The following DBH variants were observed in gnomAD, a reference collection of about 807,000 sequenced individuals.
DBH encodes the protein dopamine beta-hydroxylase.
Under a neutral mutation model 64.0 loss-of-function variants are expected in DBH, and 49 were observed. That is an observed-to-expected ratio of 0.77 (90% CI 0.61 to 0.97). DBH has a LOEUF of 0.97. Ranked by LOEUF, DBH falls within the 50% of genes least tolerant of loss-of-function variation. DBH has a pLI of 0.00. For missense variants in DBH, 828 were observed against 826.6 expected, an observed-to-expected ratio of 1.00 and a Z score of -0.02; for synonymous variants, 343 against 347.1, an observed-to-expected ratio of 0.99 and a Z score of 0.13.
Position 133,636,503 on chromosome 9 carries a change from G to C in DBH, c.132G>C (p.Glu44Asp). 6.2e-7 allele frequency: 1 copy of C among 1,613,384 alleles called. No individual in the cohort carries two copies. The highest frequency in any genetic ancestry group is 8.5e-7 in the Non-Finnish European group (1 of 1,180,018). Residue 44 changes from glutamate (E) to aspartate (D), a missense_variant, in exon 1 of 12, where the codon GAG becomes GAC. Transcript: ENST00000393056. ...VAALQGSAPR[E>D]SPLPYHIPLD... Reference sequence around the variant, plus strand: ...CACTGCAGGGCTCGGCTCCCCGTGAGAGCCCCCTCCCCTATCACATCCCCC... The same window carrying C: ...CACTGCAGGGCTCGGCTCCCCGTGACAGCCCCCTCCCCTATCACATCCCCC...
Position 133,636,641 on chromosome 9 carries a change from C to T in DBH, c.270C>T (p.Ser90=), listed in dbSNP as rs371339885. ...RLKAGVLFGM[S]DRGELENADL... ...AGGCTGGCGTCCTGTTTGGGATGTC[C>T]GACCGTGGCGAGCTTGAGAACGCAG... Residue 90 remains serine, a synonymous_variant, in exon 1 of 12, where the codon TCC becomes TCT. Transcript: ENST00000393056. 3.4e-5 allele frequency: 55 copies of T among 1,612,506 alleles called. No individual in the cohort carries two copies. The highest frequency in any genetic ancestry group is 1.1e-4 in the African/African-American group (8 of 74,920).
Position 133,636,594 on chromosome 9 carries a change from C to T in DBH, c.223C>T (p.Gln75Ter). 2 of 1,613,812 alleles carry T rather than the reference C, an allele frequency of 1.2e-6. No homozygotes were observed. The highest frequency in any genetic ancestry group is 1.6e-4 in the Middle Eastern group (1 of 6,062). ...VSYTQEAIHF[Q>*]LLVRRLKAGV... is the part of the protein sequence containing the mutation. ...CTACACCCAGGAGGCCATCCATTTC[C>T]AGCTCCTGGTGCGGAGGCTCAAGGC... The change falls in exon 1 of 12, where the codon CAG (glutamine) becomes TAG (stop). Residue 75 changes from glutamine (Q) to a stop codon, truncating the protein, a stop_gained. Coordinates refer to ENST00000393056, the MANE Select transcript of DBH (RefSeq NM_000787.4). LOFTEE classifies it high-confidence loss of function.
chr9:133,642,418 A>G lies in DBH; in HGVS notation c.698A>G (p.Tyr233Cys). Residue 233 changes from tyrosine (Y) to cysteine (C), a missense_variant, in exon 3 of 12, where the codon TAC (tyrosine) becomes TGC (cysteine). Coordinates refer to ENST00000393056, the MANE Select transcript of DBH (RefSeq NM_000787.4). ...AGCCAGGAGACCACGTACTGGTGCT[A>G]CATTAAGGAGCTTCCAAAGGGCTTC... ...IPSQETTYWCYIKELPKGFSR... is the reference protein window; with the variant it reads ...IPSQETTYWCCIKELPKGFSR... The G allele has an allele frequency of 6.2e-7, 1 of 1,613,666 alleles. No homozygotes were observed. The highest frequency in any genetic ancestry group is 8.5e-7 in the Non-Finnish European group (1 of 1,179,790).
At chr9:133,658,272 T>TTGCCCCTCCAGCCTCAGTTTACCTCC in intron 11 of DBH, 44 bp from the exon 12 acceptor site, 1 of 1,611,766 alleles carries the variant, frequency 6.2e-7, no homozygotes, top group African/African-American at 1.3e-5. Context: ...GCCACCCATC[T>TTGCCCCTCCAGCCTCAGTTTACCTCC]TGCCCCTCCA....
intron 6 of DBH, among the ~76,000 whole-genome samples, 153 bp downstream of exon 6, chr9:133,648,165 A>G (rs1050381741): frequency 1.3e-5 from 2 of 152,214 alleles, no homozygotes; most frequent in Non-Finnish European, 2.9e-5. Context: ...TCTGTATGCA[A>G]GGGAACCCTG....
intron 5 of DBH, 130 bp downstream of exon 5, chr9:133,644,450 T>A: frequency 1.3e-6 from 1 of 783,802 alleles, no homozygotes; most frequent in Non-Finnish European, 2.2e-6. Context: ...CACGAGGCCC[T>A]TGCGTCTGCC....
In DBH at chr9:133,636,507, C is replaced by T. The variant is rs1028535785; in HGVS notation, c.136C>T (p.Pro46Ser). 1 of 1,613,284 alleles carries T rather than the reference C, an allele frequency of 6.2e-7. No individual in the cohort carries two copies. Among genetic ancestry groups the T allele is most frequent in the Non-Finnish European group, 8.5e-7 (1 of 1,180,020 alleles). Residue 46 changes from proline (P) to serine (S), a missense_variant, in exon 1 of 12, where the codon CCC becomes TCC. Transcript: ENST00000393056. Reference protein sequence around the residue: ...ALQGSAPRESPLPYHIPLDPE... With the variant: ...ALQGSAPRESSLPYHIPLDPE... The stretch of plus-strand genomic sequence containing the variant: ...GCAGGGCTCGGCTCCCCGTGAGAGC[C>T]CCCTCCCCTATCACATCCCCCTGGA...
At chr9:133,655,427 G>C (rs1055268558) in intron 9 of DBH, 1 of 152,280 alleles carries the variant, frequency 6.6e-6, no homozygotes, top group African/African-American at 2.4e-5. Context: ...CCGATCTGAC[G>C]GGGGCGGGAT....
intron 6 of DBH, among the ~76,000 whole-genome samples, chr9:133,649,389 G>T (rs1249058674): frequency 1.3e-5 from 2 of 152,192 alleles, no homozygotes; most frequent in Non-Finnish European, 2.9e-5. Flanking sequence ...AGGCTTGCTG[G>T]GATCACACTG....
At chr9:133,653,403 G>A (rs1198603405) in intron 9 of DBH, among the ~76,000 whole-genome samples, 1 of 152,168 alleles carries the variant, frequency 6.6e-6, no homozygotes, top group East Asian at 1.9e-4. Context: ...AGGGAGACAG[G>A]CCTGGAGCAC....
rs755324087 is a variant in DBH at position 133,644,325 on chromosome 9, G to T, written c.1024+5G>T. 1.2e-6 allele frequency: 2 copies of T among 1,611,312 alleles called. No individual in the cohort carries two copies. The highest frequency in any genetic ancestry group is 3.3e-5 in the Admixed American group (2 of 60,032). ...ACAACCCACTGGTGATAGAAGGTAG[G>T]CGGCTCTGCTGCCATCCTCCTCAGA... On this transcript the variant is annotated splice_donor_5th_base_variant and intron_variant, in intron 5 of 11. Transcript: ENST00000393056.
At chr9:133,638,767 G>A (rs1832081163) in intron 1 of DBH, among the ~76,000 whole-genome samples, 1 of 152,168 alleles carries the variant, frequency 6.6e-6, no homozygotes, top group Non-Finnish European at 1.5e-5. Flanking sequence ...TCAATTAATA[G>A]ATGCCAAATA....
intron 9 of DBH, 27 bp from the exon 10 acceptor site, chr9:133,656,496 G>A: frequency 6.2e-7 from 1 of 1,613,492 alleles, no homozygotes; most frequent in Non-Finnish European, 8.5e-7. Flanking sequence ...CATGGCCCGG[G>A]GCTGACGGGT....
intron 1 of DBH, among the ~76,000 whole-genome samples, chr9:133,639,477 TGAG>T (rs1200764749): frequency 6.6e-6 from 1 of 152,134 alleles, no homozygotes; most frequent in East Asian, 1.9e-4. Context: ...TTCCCAGTCT[TGAG>T]GAGGCCTTGG....
chr9:133,656,972 A>G (rs1402607663), intron 10 of DBH, 98 bp from the exon 11 acceptor site: 22 of 1,400,634 alleles, frequency 1.6e-5, no homozygotes, highest in Non-Finnish European at 2.2e-5. Context: ...CGGTTGCCCC[A>G]GGGACAGGAC....
rs1611126 is a variant in DBH, at chr9:133,644,326, C to A, written c.1024+6C>A. ...CAACCCACTGGTGATAGAAGGTAGG[C>A]GGCTCTGCTGCCATCCTCCTCAGAA... On this transcript the variant is annotated splice_donor_region_variant and intron_variant, in intron 5 of 11. Coordinates refer to ENST00000393056, the MANE Select transcript of DBH (RefSeq NM_000787.4). 7 of 1,610,142 alleles carry A rather than the reference C, an allele frequency of 4.3e-6. No homozygotes were observed. Among genetic ancestry groups the A allele is most frequent in the Non-Finnish European group, 5.9e-6 (7 of 1,176,520 alleles).
chr9:133,637,019 C>T (rs568504152), intron 1 of DBH, among the ~76,000 whole-genome samples: 10 of 152,316 alleles, frequency 6.6e-5, no homozygotes, highest in African/African-American at 2.2e-4. Flanking sequence ...TCGTGCCGCT[C>T]CACACCCCAC....
chr9:133,652,779 C>T (rs1369322858), intron 8 of DBH, among the ~76,000 whole-genome samples, 161 bp from the exon 9 acceptor site: 1 of 152,138 alleles, frequency 6.6e-6, no homozygotes, highest in Non-Finnish European at 1.5e-5. Flanking sequence ...CAGCCTGTGA[C>T]CTTCGCACAT....
chr9:133,657,799 T>G (rs993454609), intron 11 of DBH, among the ~76,000 whole-genome samples: 11 of 152,152 alleles, frequency 7.2e-5, no homozygotes, highest in African/African-American at 2.7e-4. Context: ...TATGCAGAGT[T>G]AGTCGCGTAA....
Sources: gnomAD v4.1 joint callset for allele counts (sites outside exome capture counted in the v4.1 genomes callset) on GRCh38, gnomAD v4.1.1 for gene constraint, MANE v1.5 for transcripts, NCBI Gene and HGNC (gene_info 2026-07-23, HGNC 2026-07-21) for gene names.